Variants in NGEF observed in about 807,000 individuals in gnomAD.
NGEF encodes neuronal guanine nucleotide exchange factor, also known as ephexin-1.
NGEF carries 31 observed loss-of-function variants against 80.9 expected under a neutral mutation model. The observed-to-expected ratio is 0.38, with a 90% CI of 0.29 to 0.52. The LOEUF is 0.52. Ranked by LOEUF, NGEF falls within the 20% of genes least tolerant of loss-of-function variation. The pLI is 0.84. For synonymous variants in NGEF, 371 were observed against 370.2 expected, an observed-to-expected ratio of 1.00 and a Z score of -0.03; for missense variants, 709 against 926.2, an observed-to-expected ratio of 0.77 and a Z score of 3.04.
chr2:232,897,698 C>T (rs751106701), intron 5 of NGEF, among the ~76,000 whole-genome samples: 45 of 152,230 alleles, frequency 3.0e-4, no homozygotes, highest in Non-Finnish European at 6.2e-4. Context: ...AGGGCCCACC[C>T]GGCCCCCAGT....
chr2:232,945,383 C>T (rs1454173401), intron 3 of NGEF, among the ~76,000 whole-genome samples: 2 of 152,106 alleles, frequency 1.3e-5, no homozygotes, highest in Non-Finnish European at 2.9e-5. Context: ...TGTGACTTGA[C>T]TTGGAAATAG....
intron 1 of NGEF, among the ~76,000 whole-genome samples, chr2:232,996,560 A>G (rs558016257): frequency 6.6e-6 from 1 of 152,352 alleles, no homozygotes; most frequent in African/African-American, 2.4e-5. Flanking sequence ...TGAATGTCCA[A>G]GTCCCTTTGT....
At chr2:232,923,241 T>C (rs1692984536) in intron 4 of NGEF, among the ~76,000 whole-genome samples, 2 of 152,206 alleles carry the variant, frequency 1.3e-5, no homozygotes, top group Admixed American at 1.3e-4. Flanking sequence ...CTGTGATACA[T>C]ATGCTGAAAA....
chr2:232,949,744 G>T (rs1250257656), intron 3 of NGEF, among the ~76,000 whole-genome samples: 2 of 82,920 alleles, frequency 2.4e-5, no homozygotes, highest in Non-Finnish European at 4.9e-5. Context: ...CTCCCAAAGT[G>T]CTGGGATTCC....
chr2:232,940,729 A>G (rs1473742057), intron 3 of NGEF, among the ~76,000 whole-genome samples: 1 of 152,214 alleles, frequency 6.6e-6, no homozygotes, highest in Admixed American at 6.5e-5. Context: ...GCAAAACTGG[A>G]TGGTAGTATG....
At chr2:232,929,215 A>G (rs1229244875) in intron 3 of NGEF, among the ~76,000 whole-genome samples, 1 of 152,210 alleles carries the variant, frequency 6.6e-6, no homozygotes, top group Non-Finnish European at 1.5e-5. Flanking sequence ...CCCACCCGGC[A>G]TTTGTTTAAA....
chr2:232,893,288 T>C (rs1435057955), intron 6 of NGEF, among the ~76,000 whole-genome samples: 3 of 152,200 alleles, frequency 2.0e-5, no homozygotes, highest in Admixed American at 6.5e-5. Flanking sequence ...AGAGACCTTA[T>C]CTTTCAGGTA....
chr2:232,879,352 G>C lies in NGEF; in HGVS notation c.*137C>G, dbSNP rs1691407013. Reference sequence around the variant, plus strand: ...CACATGAGCACTCACTGCGTGGGCAGGGATGAGGGCCGGGCACCCCAAGCC... The same window carrying C: ...CACATGAGCACTCACTGCGTGGGCACGGATGAGGGCCGGGCACCCCAAGCC... On this transcript the variant is annotated 3_prime_UTR_variant, in exon 15 of 15. Coordinates refer to ENST00000264051, the MANE Select transcript of NGEF (RefSeq NM_019850.3). 1 of 820,324 alleles carries C rather than the reference G, an allele frequency of 1.2e-6. No individual in the cohort carries two copies. Among genetic ancestry groups the C allele is most frequent in the African/African-American group, 1.7e-5 (1 of 58,400 alleles). The allele number at this position is 820,324 out of a possible 1,614,324, so 50.8% of individuals were successfully genotyped here. A position where few individuals can be genotyped will look rare whatever the true frequency, so the allele number is the denominator to read the frequency against.
chr2:232,970,384 C>G, intron 2 of NGEF, 56 bp from the exon 3 acceptor site: 1 of 1,166,182 alleles, frequency 8.6e-7, no homozygotes, highest in Non-Finnish European at 1.3e-6. Context: ...CCTTTTCAGG[C>G]AATTCTCTGT....
At position 232,879,433 on chromosome 2, in the gene NGEF, C is replaced by CCA. The variant is rs1491095761; in HGVS notation, c.*55_*56insTG. The CCA allele has an allele frequency of 1.4e-6, 2 of 1,418,596 alleles. No homozygotes were observed. The highest frequency in any genetic ancestry group is 2.4e-5 in the East Asian group (1 of 42,544). The allele number at this position is 1,418,596 out of a possible 1,614,324, so 87.9% of individuals were successfully genotyped here. A position where few individuals can be genotyped will look rare whatever the true frequency, so the allele number is the denominator to read the frequency against. ...GTGCTTCCCAGAGCCCCCCCCCCCCCACCTTCTGTCGGGGTCTCATGCAGG... is the reference window on the plus strand; with the variant it reads ...GTGCTTCCCAGAGCCCCCCCCCCCCCCAACCTTCTGTCGGGGTCTCATGCAGG... On this transcript the variant is annotated 3_prime_UTR_variant, in exon 15 of 15. Transcript: ENST00000264051.
Position 232,885,431 on chromosome 2 carries a change from G to A in NGEF, c.1348-62C>T, listed in dbSNP as rs557457830. On this transcript the variant is annotated intron_variant, in intron 9 of 14. Coordinates refer to ENST00000264051, the MANE Select transcript of NGEF (RefSeq NM_019850.3). ...CCGGCTGTCCCGGCCCCTTCCTCCA[G>A]CTCGGTCAGGCCACAGACAGGGCTG... 1.0e-5 allele frequency: 14 copies of A among 1,395,864 alleles called. No homozygotes were observed. The South Asian group carries it at 1.3e-4, about 13-fold the overall frequency. The allele number at this position is 1,395,864 out of a possible 1,614,324, so 86.5% of individuals were successfully genotyped here.
At chr2:232,980,512 T>A (rs1234289351) in intron 1 of NGEF, among the ~76,000 whole-genome samples, 1 of 152,086 alleles carries the variant, frequency 6.6e-6, no homozygotes, top group Non-Finnish European at 1.5e-5. Context: ...TCTTTTCTTT[T>A]TTTTTTGACA....
At position 232,974,624 on chromosome 2, in the gene NGEF, T is replaced by A. The variant is rs1408590857; in HGVS notation, c.267A>T (p.Ala89=). ...GTGACAGCTGTCCCTGATACTGACCTGCCAGGCAGCTGGCGTTCCGTTCGG... is the reference window on the plus strand; with the variant it reads ...GTGACAGCTGTCCCTGATACTGACCAGCCAGGCAGCTGGCGTTCCGTTCGG... ...DNPERNASCL[A]DSQDNGKSVN... is the part of the protein sequence containing the mutation. The change falls in exon 2 of 15, where the codon GCA becomes GCT. Residue 89 remains alanine, a splice_region_variant and synonymous_variant. Coordinates refer to ENST00000264051, the MANE Select transcript of NGEF (RefSeq NM_019850.3). 1 of 1,613,852 alleles carries A rather than the reference T, an allele frequency of 6.2e-7. No individual in the cohort carries two copies. Among genetic ancestry groups the A allele is most frequent in the South Asian group, 1.1e-5 (1 of 91,024 alleles).
intron 3 of NGEF, among the ~76,000 whole-genome samples, chr2:232,931,739 G>GAA (rs1693218531): frequency 6.6e-6 from 1 of 152,156 alleles, no homozygotes; most frequent in African/African-American, 2.4e-5. Flanking sequence ...CAAAATGAAG[G>GAA]AAGGAAGATT....
At chr2:232,888,245 C>G (rs556033000) in intron 8 of NGEF, 138 bp from the exon 9 acceptor site, 1 of 633,600 alleles carries the variant, frequency 1.6e-6, no homozygotes, top group African/African-American at 1.8e-5. Context: ...CACGCACGCA[C>G]GCACACGCAT....
intron 2 of NGEF, among the ~76,000 whole-genome samples, chr2:232,972,480 C>A (rs1412837941): frequency 6.7e-6 from 1 of 149,818 alleles, no homozygotes; most frequent in Non-Finnish European, 1.5e-5. Context: ...TTGGATGGCG[C>A]TACTGTAACC....
At chr2:232,987,874 G>T (rs1356678868) in intron 1 of NGEF, among the ~76,000 whole-genome samples, 1 of 152,080 alleles carries the variant, frequency 6.6e-6, no homozygotes, top group Non-Finnish European at 1.5e-5. Flanking sequence ...GTTCCCTGAG[G>T]GTCCTTGGAA....
chr2:232,896,272 T>TA (rs1692056125), intron 5 of NGEF, among the ~76,000 whole-genome samples: 1 of 152,084 alleles, frequency 6.6e-6, no homozygotes, highest in Admixed American at 6.5e-5. Flanking sequence ...GGTGTCTTTA[T>TA]AAAAGAGGCC....
rs370140084 is a variant in NGEF at position 233,009,027 on chromosome 2, C to A, written c.-75+4041G>T. On this transcript the variant is annotated intron_variant, in intron 1 of 14. Coordinates refer to ENST00000264051, the MANE Select transcript of NGEF (RefSeq NM_019850.3). Reference sequence around the variant, plus strand: ...GGCCAGGCTGGTCTTGAACTCCTGGCCTCAAGTGATCTGCCCACCTTGGCC... The same window carrying A: ...GGCCAGGCTGGTCTTGAACTCCTGGACTCAAGTGATCTGCCCACCTTGGCC... Among the ~76,000 whole-genome samples the A allele has an allele frequency of 1.3e-4, 20 of 152,136 alleles. 2 individuals carry two copies. The East Asian group carries it at 2.5e-3, about 19-fold the overall frequency.
Sources: gnomAD v4.1 joint callset for allele counts (sites outside exome capture counted in the v4.1 genomes callset) on GRCh38, gnomAD v4.1.1 for gene constraint, MANE v1.5 for transcripts, NCBI Gene and HGNC (gene_info 2026-07-23, HGNC 2026-07-21) for gene names.